SSH2: variants seen among roughly 807,000 people sequenced by gnomAD.
The protein encoded by SSH2 is protein phosphatase Slingshot homolog 2.
In SSH2, 37 loss-of-function variants were observed where a neutral mutation model predicts 135.2. That is an observed-to-expected ratio of 0.27 (90% CI 0.21 to 0.36). The LOEUF is 0.36. Among genes scored for constraint, SSH2 ranks in the 10% least tolerant of loss-of-function variants. The pLI, the probability that SSH2 is intolerant of heterozygous loss-of-function variation, is 1.00. For missense variants in SSH2, 1,408 were observed against 1,765.3 expected (o/e 0.80, Z 3.63); for synonymous variants, 628 against 646.2 (o/e 0.97, Z 0.43).
chr17:29,825,610 C>G (rs757047990), intron 2 of SSH2, among the ~76,000 whole-genome samples: 5 of 152,182 alleles, frequency 3.3e-5, no homozygotes, highest in Non-Finnish European at 5.9e-5. Context: ...GGTTATCTGA[C>G]AAGGGCTGTT....
At chr17:29,911,538 T>TG (rs912829872) in intron 1 of SSH2, among the ~76,000 whole-genome samples, 1 of 152,198 alleles carries the variant, frequency 6.6e-6, no homozygotes, top group African/African-American at 2.4e-5. Flanking sequence ...GCAACTTGCT[T>TG]GGCAGAGACA....
chr17:29,717,753 A>G (rs2039676147), intron 3 of SSH2, among the ~76,000 whole-genome samples: 1 of 152,022 alleles, frequency 6.6e-6, no homozygotes, highest in South Asian at 2.1e-4. Flanking sequence ...CAGTGGGGGG[A>G]GCTAGGCATG....
chr17:29,747,804 C>T (rs1234731319), intron 3 of SSH2, among the ~76,000 whole-genome samples: 1 of 152,178 alleles, frequency 6.6e-6, no homozygotes, highest in African/African-American at 2.4e-5. Context: ...ATTAAGAGGA[C>T]TCCCATTTAC....
intron 1 of SSH2, among the ~76,000 whole-genome samples, chr17:29,896,916 AGG>A (rs1302749620): frequency 6.6e-6 from 1 of 151,812 alleles, no homozygotes; most frequent in East Asian, 1.9e-4. Context: ...CCAGACACTA[AGG>A]GGGGTACGAA....
chr17:29,688,336 A>C (rs568434273), intron 5 of SSH2, among the ~76,000 whole-genome samples: 102 of 152,196 alleles, frequency 6.7e-4, no homozygotes, highest in Non-Finnish European at 1.2e-3. Flanking sequence ...TTATTTTATA[A>C]TATCAAAAGC....
intron 3 of SSH2, among the ~76,000 whole-genome samples, chr17:29,792,850 G>A (rs2042094324): frequency 6.6e-6 from 1 of 152,082 alleles, no homozygotes; most frequent in Non-Finnish European, 1.5e-5. Context: ...CTTATTTTTT[G>A]TATTTAGTGG....
chr17:29,645,132 C>T (rs2036320133), intron 14 of SSH2: 1 of 152,192 alleles, frequency 6.6e-6, no homozygotes, highest in South Asian at 2.1e-4. Flanking sequence ...CTGAATAACT[C>T]TCAACAATAC....
At chr17:29,690,190 G>A (rs113059482) in intron 5 of SSH2, among the ~76,000 whole-genome samples, 9,459 of 151,958 alleles carry the variant, frequency 0.062, 399 homozygotes, top group Non-Finnish European at 0.091. Flanking sequence ...GATCACCTGA[G>A]GTCGGGAGTT....
intron 2 of SSH2, among the ~76,000 whole-genome samples, chr17:29,813,975 C>T (rs2042500246): frequency 7.5e-6 from 1 of 133,442 alleles, no homozygotes; most frequent in South Asian, 2.4e-4. Flanking sequence ...ACTAAAAATA[C>T]AAAAAAATTA....
chr17:29,766,819 C>G (rs918319207), intron 3 of SSH2, among the ~76,000 whole-genome samples: 30 of 152,158 alleles, frequency 2.0e-4, no homozygotes, highest in Non-Finnish European at 3.4e-4. Flanking sequence ...CTTAGAATTA[C>G]AGAGTAATGC....
intron 3 of SSH2, 49 bp from the exon 4 acceptor site, chr17:29,703,111 A>C: frequency 1.5e-6 from 2 of 1,347,034 alleles, no homozygotes; most frequent in Non-Finnish European, 2.1e-6. Context: ...AAAGGAAATC[A>C]AAGAGTAGGA....
chr17:29,842,737 C>A (rs1599076538), intron 2 of SSH2, among the ~76,000 whole-genome samples: 2 of 151,946 alleles, frequency 1.3e-5, no homozygotes, highest in East Asian at 1.9e-4. Flanking sequence ...TGCATCAGAC[C>A]CCTTCCAAAG....
At chr17:29,811,144 C>T (rs1200204574) in intron 2 of SSH2, among the ~76,000 whole-genome samples, 1 of 151,956 alleles carries the variant, frequency 6.6e-6, no homozygotes, top group Non-Finnish European at 1.5e-5. Flanking sequence ...TACAGGTGCG[C>T]ACCACCACAC....
intron 14 of SSH2, chr17:29,643,178 A>C (rs1004362189): frequency 1.0e-6 from 1 of 985,286 alleles, no homozygotes; most frequent in African/African-American, 1.7e-5. Context: ...CTAAGCAGGC[A>C]GATCTGGAGT....
intron 3 of SSH2, among the ~76,000 whole-genome samples, chr17:29,775,187 G>A (rs2041670798): frequency 6.6e-6 from 1 of 152,098 alleles, no homozygotes; most frequent in South Asian, 2.1e-4. Flanking sequence ...TTAATTGCCA[G>A]GGCTTGGATT....
rs1008698875 is a variant in SSH2, at chr17:29,628,925, C to G, written c.*1916G>C. ...TCTACCTTTTCTGCATCTTTTGGGT[C>G]GCCCTGCCATCTGCCCCCACCAAAC... On this transcript the variant is annotated 3_prime_UTR_variant, in exon 16 of 16. Coordinates refer to ENST00000540801, the MANE Select transcript of SSH2 (RefSeq NM_001282129.2). 1 of 152,440 alleles carries G rather than the reference C, an allele frequency of 6.6e-6. No homozygotes were observed. The highest frequency in any genetic ancestry group is 2.4e-5 in the African/African-American group (1 of 41,436). 9.4% of individuals were successfully genotyped at this position (152,440 alleles called of 1,614,324 possible).
At chr17:29,747,382 C>T (rs891693176) in intron 3 of SSH2, among the ~76,000 whole-genome samples, 2 of 152,034 alleles carry the variant, frequency 1.3e-5, no homozygotes, top group African/African-American at 4.8e-5. Flanking sequence ...CCAAATCCCT[C>T]GAATTACTAA....
chr17:29,905,744 C>A (rs1425810395), intron 1 of SSH2, among the ~76,000 whole-genome samples: 6 of 152,190 alleles, frequency 3.9e-5, no homozygotes, highest in Admixed American at 3.9e-4. Context: ...GCTGGGCTGC[C>A]AGTCCCATGG....
At chr17:29,646,720 A>G (rs1434838981) in intron 14 of SSH2, among the ~76,000 whole-genome samples, 2 of 151,570 alleles carry the variant, frequency 1.3e-5, no homozygotes, top group African/African-American at 2.4e-5. Flanking sequence ...GGCTGGTCTC[A>G]AACTCCCGAC....
Sources: allele counts gnomAD v4.1 joint callset (sites outside exome capture counted in the v4.1 genomes callset), GRCh38; gene constraint gnomAD v4.1.1; transcripts MANE v1.5; gene names NCBI Gene and HGNC (gene_info 2026-07-23, HGNC 2026-07-21).